The following NUP214 variants were observed in gnomAD, a reference collection of about 807,000 sequenced individuals.
The protein encoded by NUP214 is nuclear pore complex protein Nup214.
NUP214 carries 79 observed loss-of-function variants against 196.2 expected under a neutral mutation model. The ratio of observed to expected loss-of-function variants is 0.40; its 90% CI spans 0.34 to 0.49. NUP214 has a LOEUF of 0.49. Ranked by LOEUF, NUP214 falls within the 20% of genes least tolerant of loss-of-function variation. The pLI, the probability that NUP214 is intolerant of heterozygous loss-of-function variation, is 0.58. For missense variants in NUP214, 2,468 were observed against 2,539.0 expected, an observed-to-expected ratio of 0.97 and a Z score of 0.60; for synonymous variants, 1,020 against 990.5, an observed-to-expected ratio of 1.03 and a Z score of -0.56.
At chr9:131,220,763 A>G (rs1371330438) in intron 31 of NUP214, among the ~76,000 whole-genome samples, 1 of 152,170 alleles carries the variant, frequency 6.6e-6, no homozygotes, top group African/African-American at 2.4e-5. Flanking sequence ...CTATTAGGTA[A>G]TCTCACCCGG....
At chr9:131,139,191 A>G in intron 9 of NUP214, 90 bp from the exon 10 acceptor site, 2 of 1,327,280 alleles carry the variant, frequency 1.5e-6, no homozygotes, top group Non-Finnish European at 2.0e-6. Context: ...TATTTGAACA[A>G]TGTTAGGAGG....
At chr9:131,162,731 AG>A in intron 18 of NUP214, 1 of 428,968 alleles carries the variant, frequency 2.3e-6, no homozygotes, top group South Asian at 2.8e-5. Context: ...GGCCTCTCTC[AG>A]GTTTCACCTA....
intron 27 of NUP214, among the ~76,000 whole-genome samples, chr9:131,193,559 C>CAAG (rs966500136): frequency 2.1e-5 from 3 of 141,372 alleles, no homozygotes; most frequent in African/African-American, 7.8e-5. Flanking sequence ...AGGTCAATGC[C>CAAG]AAGAATTATT....
rs566364319 is a variant in NUP214, at chr9:131,193,442, T to C, written c.3659+1150T>C. 5.9e-5 allele frequency among the ~76,000 whole-genome samples: 9 copies of C among 151,972 alleles called. No individual in the cohort carries two copies. In the East Asian group the frequency reaches 1.7e-3, roughly 29 times the overall value. ...CCTTCAGCCTAAGGAGAAAAGAGGG[T>C]ATTAGAATATTATTTGAGGGGGAAA... On this transcript the variant is annotated intron_variant, in intron 27 of 35. Transcript: ENST00000359428.
chr9:131,145,153 G>T (rs550075947), intron 12 of NUP214, among the ~76,000 whole-genome samples: 1 of 151,988 alleles, frequency 6.6e-6, no homozygotes, highest in Non-Finnish European at 1.5e-5. Flanking sequence ...TGTCTACACA[G>T]CCACAAAGTC....
chr9:131,219,560 T>G (rs768360018), intron 31 of NUP214, among the ~76,000 whole-genome samples: 5 of 152,200 alleles, frequency 3.3e-5, no homozygotes, highest in African/African-American at 7.2e-5. Context: ...AAGAAGGGCT[T>G]CTTCTCTCTG....
At chr9:131,158,268 G>C (rs558214749) in intron 17 of NUP214, among the ~76,000 whole-genome samples, 1 of 152,234 alleles carries the variant, frequency 6.6e-6, no homozygotes, top group East Asian at 1.9e-4. Flanking sequence ...TAGTCAAGGC[G>C]GGATTTCACC....
At chr9:131,221,235 G>A (rs1238550705) in intron 31 of NUP214, among the ~76,000 whole-genome samples, 1 of 152,186 alleles carries the variant, frequency 6.6e-6, no homozygotes, top group African/African-American at 2.4e-5. Context: ...AGTTATGAGG[G>A]TGATACAAAG....
chr9:131,229,822 A>C, intron 33 of NUP214: 1 of 502,906 alleles, frequency 2.0e-6, no homozygotes, highest in Non-Finnish European at 3.9e-6. Context: ...CCTCACCATT[A>C]AAAGTGAATA....
At chr9:131,154,430 A>G (rs201591471) in intron 17 of NUP214, among the ~76,000 whole-genome samples, 39 of 151,924 alleles carry the variant, frequency 2.6e-4, no homozygotes, top group Admixed American at 1.6e-3. Flanking sequence ...CTGTCTATCT[A>G]TCTGTCTGTC....
At chr9:131,145,660 C>T (rs1588130572) in intron 12 of NUP214, among the ~76,000 whole-genome samples, 1 of 152,160 alleles carries the variant, frequency 6.6e-6, no homozygotes, top group East Asian at 1.9e-4. Flanking sequence ...TTTACATTTC[C>T]TTTAGGCCAT....
chr9:131,216,317 C>T (rs181127285), intron 31 of NUP214, among the ~76,000 whole-genome samples: 9 of 150,926 alleles, frequency 6.0e-5, no homozygotes, highest in Non-Finnish European at 7.4e-5. Context: ...CTCCACTTCC[C>T]GGGTTCATGC....
intron 30 of NUP214, among the ~76,000 whole-genome samples, chr9:131,211,904 G>A (rs963175197): frequency 6.6e-6 from 1 of 152,202 alleles, no homozygotes; most frequent in Non-Finnish European, 1.5e-5. Context: ...GGATGGCTGC[G>A]ATTTTCATGG....
At chr9:131,167,034 T>C (rs1227477840) in intron 21 of NUP214, 1 of 152,182 alleles carries the variant, frequency 6.6e-6, no homozygotes, top group African/African-American at 2.4e-5. Flanking sequence ...TACAGTTATC[T>C]CATATACAGT....
At chr9:131,132,174 C>T (rs1362484529) in intron 5 of NUP214, among the ~76,000 whole-genome samples, 2 of 130,732 alleles carry the variant, frequency 1.5e-5, no homozygotes, top group East Asian at 4.5e-4. Context: ...GGCTGGAGTG[C>T]AATGACGTGA....
At position 131,146,386 on chromosome 9, in the gene NUP214, CAT is replaced by C. The variant is rs1832087970; in HGVS notation, c.1945+84_1945+85del. 13 of 1,359,090 alleles carry C rather than the reference CAT, an allele frequency of 9.6e-6. No homozygotes were observed. The South Asian group carries it at 1.5e-4, about 16-fold the overall frequency. The allele number at this position is 1,359,090 out of a possible 1,614,324, so 84.2% of individuals were successfully genotyped here. On this transcript the variant is annotated intron_variant, in intron 13 of 35. Transcript: ENST00000359428. The surrounding 1 kb of genome is among the most constrained non-coding windows in gnomAD (Gnocchi z 4.6). ...TTTAAGTGTTAAGAGTCGTAGCTAACATAGTTGGACAAGGTTATTTTTTCTTG... is the reference window on the plus strand; with the variant it reads ...TTTAAGTGTTAAGAGTCGTAGCTAACAGTTGGACAAGGTTATTTTTTCTTG...
chr9:131,143,428 C>A lies in NUP214; in HGVS notation c.1295-852C>A, dbSNP rs545866827. Among the ~76,000 whole-genome samples the A allele has an allele frequency of 2.0e-5, 3 of 151,780 alleles. No individual in the cohort carries two copies. In the East Asian group the frequency reaches 5.8e-4, roughly 29 times the overall value. On this transcript the variant is annotated intron_variant, in intron 11 of 35. Transcript: ENST00000359428. ...GAGAAATTACTGGGTCTGTTTTTTA[C>A]AGTTTTTTATACAATGCCAAAATGT... is the stretch of plus-strand genomic sequence containing the variant.
At chr9:131,221,425 C>G (rs771359242) in intron 31 of NUP214, among the ~76,000 whole-genome samples, 2 of 152,182 alleles carry the variant, frequency 1.3e-5, no homozygotes, top group South Asian at 2.1e-4. Flanking sequence ...TGAGGCCACT[C>G]ACTTCCTGGA....
At chr9:131,162,079 C>G (rs759224841) in intron 18 of NUP214, among the ~76,000 whole-genome samples, 3 of 152,098 alleles carry the variant, frequency 2.0e-5, no homozygotes, top group African/African-American at 4.8e-5. Flanking sequence ...AATTCTTCCT[C>G]CAGTGTGGCC....
Sources: gnomAD v4.1 joint callset for allele counts (sites outside exome capture counted in the v4.1 genomes callset) on GRCh38, gnomAD v4.1.1 for gene constraint, Gnocchi (gnomAD v3.1) non-coding constraint, MANE v1.5 for transcripts, NCBI Gene and HGNC (gene_info 2026-07-23, HGNC 2026-07-21) for gene names.